The following TRIM4 variants were observed in gnomAD, a reference collection of about 807,000 sequenced individuals.
TRIM4 encodes the protein tripartite motif containing 4.
A neutral mutation model predicts 33.7 loss-of-function variants in TRIM4; 29 were observed. The ratio of observed to expected loss-of-function variants is 0.86; its 90% CI spans 0.64 to 1.17. The LOEUF is 1.17. Among genes scored for constraint, TRIM4 ranks in the 50% most tolerant of loss-of-function variants. The pLI, the probability that TRIM4 is intolerant of heterozygous loss-of-function variation, is 0.00. For missense variants in TRIM4, 554 were observed against 593.7 expected, an observed-to-expected ratio of 0.93 and a Z score of 0.69; for synonymous variants, 224 against 233.0, an observed-to-expected ratio of 0.96 and a Z score of 0.35.
At chr7:99,904,350 C>A (rs2151646678) in intron 3 of TRIM4, among the ~76,000 whole-genome samples, 1 of 152,272 alleles carries the variant, frequency 6.6e-6, no homozygotes, top group South Asian at 2.1e-4. Context: ...ACCTGACCAA[C>A]ACTCCTCAAA....
At position 99,910,290 on chromosome 7, in the gene TRIM4, T is replaced by C. The variant is rs553555889; in HGVS notation, c.394-630A>G. Among the ~76,000 whole-genome samples, 13 of 152,270 alleles carry C rather than the reference T, an allele frequency of 8.5e-5. No homozygotes were observed. In the South Asian group the frequency reaches 2.7e-3, roughly 32 times the overall value. On this transcript the variant is annotated intron_variant, in intron 1 of 5. Transcript: ENST00000349062. ...TTTTTTTGATGGACAACTGGCAGGA[T>C]TTAACAAAATTTTAAATGGGTATAA...
intron 3 of TRIM4, among the ~76,000 whole-genome samples, chr7:99,907,782 A>T (rs1420796234): frequency 6.6e-6 from 1 of 152,182 alleles, no homozygotes; most frequent in Non-Finnish European, 1.5e-5. Context: ...TCTCTTGCTT[A>T]TGAAAAAAAA....
intron 1 of TRIM4, among the ~76,000 whole-genome samples, chr7:99,917,093 ACTC>A (rs1819572470): frequency 6.6e-6 from 1 of 151,778 alleles, no homozygotes; most frequent in South Asian, 2.1e-4. Flanking sequence ...AACACATTTA[ACTC>A]CTCAACGGAG....
chr7:99,900,970 TAGTTTTTATTATATTCAGAAA>T (rs945279001), intron 5 of TRIM4, among the ~76,000 whole-genome samples: 1 of 151,066 alleles, frequency 6.6e-6, no homozygotes, highest in Non-Finnish European at 1.5e-5. Flanking sequence ...TCTGTGGACT[TAGTTTTTATTATATTCAGAAA>T]ATCTTTGGCC....
At position 99,890,733 on chromosome 7, in the gene TRIM4, G is replaced by A. The variant is rs1818875036; in HGVS notation, c.*1430C>T. The A allele has an allele frequency of 6.6e-6, 1 of 152,170 alleles. No individual in the cohort carries two copies. The highest frequency in any genetic ancestry group is 2.4e-5 in the African/African-American group (1 of 41,422). 9.4% of individuals were successfully genotyped at this position (152,170 alleles called of 1,614,324 possible). Reference sequence around the variant, plus strand: ...AGGGACTACTTGAGGGTAGAGGGTGGAGGAGGGTGGGGTATCAAAAAAGTA... The same window carrying A: ...AGGGACTACTTGAGGGTAGAGGGTGAAGGAGGGTGGGGTATCAAAAAAGTA... On this transcript the variant is annotated 3_prime_UTR_variant, in exon 6 of 6. Coordinates refer to ENST00000349062, the MANE Select transcript of TRIM4 (RefSeq NM_033091.3).
chr7:99,903,136 C>T (rs1819213863), intron 5 of TRIM4, 82 bp downstream of exon 5: 2 of 1,064,370 alleles, frequency 1.9e-6, no homozygotes, highest in Non-Finnish European at 2.8e-6. Context: ...ATGCTGTTTC[C>T]TCTTTCCTCT....
intron 1 of TRIM4, among the ~76,000 whole-genome samples, chr7:99,913,611 C>A (rs1819492180): frequency 6.6e-6 from 1 of 152,078 alleles, no homozygotes; most frequent in Non-Finnish European, 1.5e-5. Flanking sequence ...GTGGAGGTTG[C>A]AGTGAGCTGG....
chr7:99,907,893 ATAC>A (rs368392933), intron 3 of TRIM4, among the ~76,000 whole-genome samples: 60 of 152,320 alleles, frequency 3.9e-4, no homozygotes, highest in Middle Eastern at 3.4e-3. Flanking sequence ...GAGGCATCCG[ATAC>A]TCAACATGAA....
Position 99,892,816 on chromosome 7 carries a change from T to C in TRIM4, c.842-70A>G, listed in dbSNP as rs1818925234. 9 of 1,316,810 alleles carry C rather than the reference T, an allele frequency of 6.8e-6. 1 individual carries two copies. The South Asian group carries it at 9.7e-5, about 14-fold the overall frequency. The allele number at this position is 1,316,810 out of a possible 1,614,324, so 81.6% of individuals were successfully genotyped here. On this transcript the variant is annotated intron_variant, in intron 5 of 5. Coordinates refer to ENST00000349062, the MANE Select transcript of TRIM4 (RefSeq NM_033091.3). The stretch of plus-strand genomic sequence containing the variant: ...ACCCTTCCCCAGAAATGCCCATCTT[T>C]TCCAGCATCAGTTTCATCTTTCTCC...
Position 99,902,631 on chromosome 7 carries a change from G to A in TRIM4, c.841+587C>T, listed in dbSNP as rs530451054. On this transcript the variant is annotated intron_variant, in intron 5 of 5. Coordinates refer to ENST00000349062, the MANE Select transcript of TRIM4 (RefSeq NM_033091.3). The stretch of plus-strand genomic sequence containing the variant: ...CATGTACCTGCCTTGGTGCCTCCCT[G>A]GAGATCCAATGAGTTTATTTTCAGT... Among the ~76,000 whole-genome samples, 69 of 152,184 alleles carry A rather than the reference G, an allele frequency of 4.5e-4. 1 individual carries two copies. The South Asian group carries it at 0.013, about 30-fold the overall frequency.
At chr7:99,903,369 C>T (rs1819221777) in intron 4 of TRIM4, 54 bp from the exon 5 acceptor site, 1 of 1,438,940 alleles carries the variant, frequency 6.9e-7, no homozygotes. Flanking sequence ...GCCAAGACCT[C>T]CACTCCCGGT....
At chr7:99,900,490 G>C (rs935127152) in intron 5 of TRIM4, among the ~76,000 whole-genome samples, 2 of 152,098 alleles carry the variant, frequency 1.3e-5, no homozygotes, top group African/African-American at 4.8e-5. Context: ...CTTTTTAAAG[G>C]AATAAATAAT....
At chr7:99,894,911 T>C (rs1433148940) in intron 5 of TRIM4, among the ~76,000 whole-genome samples, 1 of 152,224 alleles carries the variant, frequency 6.6e-6, no homozygotes. Flanking sequence ...GAATCTGTAA[T>C]GATGTCACCT....
intron 5 of TRIM4, among the ~76,000 whole-genome samples, chr7:99,897,748 T>A (rs1458373377): frequency 6.6e-6 from 1 of 152,180 alleles, no homozygotes; most frequent in Non-Finnish European, 1.5e-5. Flanking sequence ...TTATAGAACA[T>A]TATAATACCC....
chr7:99,892,391 G>C lies in TRIM4; in HGVS notation c.1197C>G (p.Gly399=). Reference sequence around the variant, plus strand: ...CAGGGAAGCCTATCAAGGGCCAATAGCCAGCAGCACTCCAATAAATCGCCC... The same window carrying C: ...CAGGGAAGCCTATCAAGGGCCAATACCCAGCAGCACTCCAATAAATCGCCC... ...GIWAIYWSAA[G]YWPLIGFPGT... Residue 399 remains glycine, a synonymous_variant, in exon 6 of 6, where the codon GGC becomes GGG. Transcript: ENST00000349062. 1 of 1,614,112 alleles carries C rather than the reference G, an allele frequency of 6.2e-7. No individual in the cohort carries two copies. The highest frequency in any genetic ancestry group is 8.5e-7 in the Non-Finnish European group (1 of 1,180,006).
chr7:99,891,552 A>C lies in TRIM4; in HGVS notation c.*611T>G, dbSNP rs2151639258. 1 of 152,508 alleles carries C rather than the reference A, an allele frequency of 6.6e-6. No individual in the cohort carries two copies. Among genetic ancestry groups the C allele is most frequent in the South Asian group, 2.1e-4 (1 of 4,828 alleles). The allele number at this position is 152,508 out of a possible 1,614,324, so 9.4% of individuals were successfully genotyped here. ...GGGGGGATTCCCACAATTTTCTAAGACAGAAAAGTGGGGGAATCAGTAGTT... is the reference window on the plus strand; with the variant it reads ...GGGGGGATTCCCACAATTTTCTAAGCCAGAAAAGTGGGGGAATCAGTAGTT... On this transcript the variant is annotated 3_prime_UTR_variant, in exon 6 of 6. Transcript: ENST00000349062.
intron 5 of TRIM4, among the ~76,000 whole-genome samples, chr7:99,902,574 G>A (rs1819200650): frequency 6.6e-6 from 1 of 152,092 alleles, no homozygotes; most frequent in Non-Finnish European, 1.5e-5. Flanking sequence ...TCAAACATGT[G>A]CACATAAGAA....
At chr7:99,902,066 T>A (rs1449338292) in intron 5 of TRIM4, 1 of 762,968 alleles carries the variant, frequency 1.3e-6, no homozygotes, top group African/African-American at 1.7e-5. Context: ...ACCTCATTTG[T>A]TTCACATTTC....
At chr7:99,899,904 C>T (rs1819117595) in intron 5 of TRIM4, among the ~76,000 whole-genome samples, 1 of 152,164 alleles carries the variant, frequency 6.6e-6, no homozygotes, top group Non-Finnish European at 1.5e-5. Context: ...CATCCTCCCG[C>T]CGTGGCCTCC....
Sources: gnomAD v4.1 joint callset for allele counts (sites outside exome capture counted in the v4.1 genomes callset) on GRCh38, gnomAD v4.1.1 for gene constraint, MANE v1.5 for transcripts, NCBI Gene and HGNC (gene_info 2026-07-23, HGNC 2026-07-21) for gene names.